CCDC73: variants seen among roughly 807,000 people sequenced by gnomAD.
CCDC73 encodes the protein coiled-coil domain-containing protein 73.
In CCDC73, 95 loss-of-function variants were observed where a neutral mutation model predicts 116.5. The ratio of observed to expected loss-of-function variants is 0.82; its 90% CI spans 0.69 to 0.97. CCDC73 has a LOEUF of 0.97. Among genes scored for constraint, CCDC73 ranks in the 50% least tolerant of loss-of-function variants. CCDC73 has a pLI of 0.00. For missense variants in CCDC73, 1,066 were observed against 1,206.8 expected, an observed-to-expected ratio of 0.88 and a Z score of 1.73; for synonymous variants, 398 against 401.3, an observed-to-expected ratio of 0.99 and a Z score of 0.10.
chr11:32,779,771 T>C (rs989477188), intron 1 of CCDC73, among the ~76,000 whole-genome samples: 1 of 152,134 alleles, frequency 6.6e-6, no homozygotes, highest in Non-Finnish European at 1.5e-5. Flanking sequence ...AAATATCACA[T>C]GCCTGAGAAA....
intron 6 of CCDC73, among the ~76,000 whole-genome samples, chr11:32,684,978 CAA>C (rs201667109): frequency 3.3e-5 from 5 of 150,716 alleles, no homozygotes; most frequent in Admixed American, 6.6e-5. Context: ...GAGACTCTGT[CAA>C]AAAAAATATA....
intron 14 of CCDC73, among the ~76,000 whole-genome samples, chr11:32,634,048 G>C (rs1288622269): frequency 1.3e-5 from 2 of 152,048 alleles, no homozygotes; most frequent in African/African-American, 4.8e-5. Flanking sequence ...TACTGAATTT[G>C]TTATTTAAAA....
intron 1 of CCDC73, among the ~76,000 whole-genome samples, chr11:32,761,044 C>T (rs1374313851): frequency 6.6e-6 from 1 of 151,844 alleles, no homozygotes; most frequent in Non-Finnish European, 1.5e-5. Context: ...TAACTATGAC[C>T]TCAATTTAAG....
intron 1 of CCDC73, among the ~76,000 whole-genome samples, chr11:32,764,700 G>A (rs927056109): frequency 2.6e-5 from 4 of 152,128 alleles, no homozygotes; most frequent in Middle Eastern, 3.4e-3. Flanking sequence ...AAGAAACTGC[G>A]TAAACTAACA....
In CCDC73 at chr11:32,762,898, C is replaced by A. The variant is rs571497937; in HGVS notation, c.-15-2640G>T. Among the ~76,000 whole-genome samples the A allele has an allele frequency of 1.2e-4, 19 of 152,250 alleles. No homozygotes were observed. The South Asian group carries it at 2.3e-3, about 18-fold the overall frequency. On this transcript the variant is annotated intron_variant, in intron 1 of 17. Transcript: ENST00000335185. ...ACCTGGAAAATCGAGTCACTCCCAC[C>A]CTAATACTGCACTTTTCCAAGGGTC... is the stretch of plus-strand genomic sequence containing the variant.
rs537826456 is a variant in CCDC73, at chr11:32,766,089, C to T, written c.-15-5831G>A. On this transcript the variant is annotated intron_variant, in intron 1 of 17. Coordinates refer to ENST00000335185, the MANE Select transcript of CCDC73 (RefSeq NM_001008391.4). ...TACTGGCAAACCGAATCCAGCAGCA[C>T]ATCAAAAAACTTATCCACCATGATC... Among the ~76,000 whole-genome samples, 21 of 152,298 alleles carry T rather than the reference C, an allele frequency of 1.4e-4. No homozygotes were observed. In the South Asian group the frequency reaches 1.7e-3, roughly 12 times the overall value.
intron 1 of CCDC73, among the ~76,000 whole-genome samples, chr11:32,767,456 C>A (rs1850452999): frequency 1.3e-5 from 2 of 152,098 alleles, no homozygotes; most frequent in African/African-American, 2.4e-5. Flanking sequence ...GCAACAAAAG[C>A]CAACATTGAC....
At chr11:32,799,715 T>A in the CCDC73 span, among the ~76,000 whole-genome samples, 2 of 152,196 alleles carry the variant, frequency 1.3e-5, no homozygotes, top group African/African-American at 4.8e-5. Flanking sequence ...GACCTAGAGC[T>A]GGTTAGAATT....
intron 14 of CCDC73, among the ~76,000 whole-genome samples, chr11:32,626,451 T>A (rs1428809393): frequency 6.6e-6 from 1 of 152,070 alleles, no homozygotes; most frequent in Non-Finnish European, 1.5e-5. Context: ...ACCAATGACT[T>A]TCTTCACAGA....
At position 32,615,955 on chromosome 11, in the gene CCDC73, C is replaced by T. The variant is rs1444000779; in HGVS notation, c.1360G>A (p.Glu454Lys). ...TTAAGGTTACCATCTATAATTATTT[C>T]CTCTATAAATGAGCCTTCTTTTTTT... Reference protein sequence around the residue: ...EEKKEGSFIEEIIIDDLQLFE... With the variant: ...EEKKEGSFIEKIIIDDLQLFE... Residue 454 changes from glutamate to lysine, a missense_variant, in exon 15 of 18, where the codon GAA (glutamate) becomes AAA (lysine). Transcript: ENST00000335185. 4 of 1,561,024 alleles carry T rather than the reference C, an allele frequency of 2.6e-6. No individual in the cohort carries two copies. In the African/African-American group the frequency reaches 5.5e-5, roughly 21 times the overall value.
rs190115068 is a variant in CCDC73 at position 32,773,611 on chromosome 11, T to C, written c.-15-13353A>G. ...CCTGGGAAATACAGTGAGACCCCCA[T>C]CTTCACAAACACACACACACACACA... On this transcript the variant is annotated intron_variant, in intron 1 of 17. Transcript: ENST00000335185. Among the ~76,000 whole-genome samples the C allele has an allele frequency of 6.6e-5, 10 of 151,768 alleles. No homozygotes were observed. In the East Asian group the frequency reaches 1.9e-3, roughly 29 times the overall value.
chr11:32,826,652 A>C, the CCDC73 span, among the ~76,000 whole-genome samples: 2 of 132,200 alleles, frequency 1.5e-5, no homozygotes, highest in Non-Finnish European at 3.2e-5. Context: ...AACTCAAAAA[A>C]AAAAAAACAA....
chr11:32,673,360 G>T (rs1856056689), intron 9 of CCDC73, among the ~76,000 whole-genome samples: 1 of 151,986 alleles, frequency 6.6e-6, no homozygotes, highest in Non-Finnish European at 1.5e-5. Flanking sequence ...GTTTTGCTGT[G>T]AACCTAAAAC....
At chr11:32,810,431 C>G in the CCDC73 span, among the ~76,000 whole-genome samples, 1 of 152,100 alleles carries the variant, frequency 6.6e-6, no homozygotes, top group African/African-American at 2.4e-5. Flanking sequence ...AACTGAGGTT[C>G]AATTAGGCTA....
At chr11:32,674,352 G>A (rs950887248) in intron 9 of CCDC73, among the ~76,000 whole-genome samples, 1 of 152,130 alleles carries the variant, frequency 6.6e-6, no homozygotes, top group Non-Finnish European at 1.5e-5. Context: ...GTGGGAAAAG[G>A]AAAACAGATA....
intron 1 of CCDC73, among the ~76,000 whole-genome samples, chr11:32,779,145 T>C (rs529958727): frequency 6.6e-6 from 1 of 151,724 alleles, no homozygotes; most frequent in African/African-American, 2.4e-5. Context: ...AGGCACAGCC[T>C]GGGAAGACCA....
chr11:32,687,787 T>A (rs1302822535), intron 6 of CCDC73, among the ~76,000 whole-genome samples: 2 of 152,158 alleles, frequency 1.3e-5, no homozygotes, highest in African/African-American at 4.8e-5. Context: ...TACCTTTTTC[T>A]ACTAACAGGA....
At chr11:32,676,403 C>G (rs1316747847) in intron 7 of CCDC73, among the ~76,000 whole-genome samples, 7 of 152,164 alleles carry the variant, frequency 4.6e-5, no homozygotes, top group Admixed American at 4.6e-4. Flanking sequence ...TTTGAATAAT[C>G]AGGACCTATC....
At chr11:32,674,885 A>G (rs1313521900) in intron 9 of CCDC73, among the ~76,000 whole-genome samples, 1 of 152,220 alleles carries the variant, frequency 6.6e-6, no homozygotes, top group Non-Finnish European at 1.5e-5. Flanking sequence ...GAATCTCAGT[A>G]AGCAACAAAT....
Sources: gnomAD v4.1 joint callset for allele counts (sites outside exome capture counted in the v4.1 genomes callset) on GRCh38, gnomAD v4.1.1 for gene constraint, MANE v1.5 for transcripts, NCBI Gene and HGNC (gene_info 2026-07-23, HGNC 2026-07-21) for gene names.